The following FAT3 variants were observed in gnomAD, a reference collection of about 807,000 sequenced individuals.
The protein encoded by FAT3 is FAT atypical cadherin 3.
In FAT3, 95 loss-of-function variants were observed where a neutral mutation model predicts 310.2. The ratio of observed to expected loss-of-function variants is 0.31; its 90% CI spans 0.26 to 0.36. FAT3 has a LOEUF of 0.36. Ranked by LOEUF, FAT3 falls within the 10% of genes least tolerant of loss-of-function variation. FAT3 has a pLI of 1.00. For missense variants in FAT3, 5,408 were observed against 5,715.6 expected, an observed-to-expected ratio of 0.95 and a Z score of 1.74; for synonymous variants, 2,314 against 2,192.9, an observed-to-expected ratio of 1.06 and a Z score of -1.54.
intron 1 of FAT3, among the ~76,000 whole-genome samples, chr11:92,347,387 C>A (rs1214235253): frequency 6.6e-6 from 1 of 152,112 alleles, no homozygotes; most frequent in East Asian, 1.9e-4. Flanking sequence ...ATTTGGCTAA[C>A]AAAATCCCCT....
intron 3 of FAT3, among the ~76,000 whole-genome samples, chr11:92,539,329 C>A (rs761042029): frequency 5.3e-5 from 8 of 152,150 alleles, no homozygotes; most frequent in African/African-American, 1.7e-4. Context: ...GATAATCAGT[C>A]TCCAAATTCT....
chr11:92,736,983 G>T (rs1256138863), intron 4 of FAT3, among the ~76,000 whole-genome samples: 3 of 152,042 alleles, frequency 2.0e-5, no homozygotes. Context: ...CGTGGTTAAG[G>T]GAGAAGAAAG....
At chr11:92,640,282 C>A (rs554245049) in intron 3 of FAT3, among the ~76,000 whole-genome samples, 2 of 152,210 alleles carry the variant, frequency 1.3e-5, no homozygotes, top group African/African-American at 4.8e-5. Context: ...GAGCCTCTCA[C>A]TCCTGCCAAC....
At chr11:92,860,625 A>G (rs918404284) in intron 21 of FAT3, among the ~76,000 whole-genome samples, 1 of 152,222 alleles carries the variant, frequency 6.6e-6, no homozygotes, top group Admixed American at 6.5e-5. Context: ...TTTCTTCCCA[A>G]GGTTTCAGCT....
chr11:92,640,568 A>G (rs1807177848), intron 3 of FAT3, among the ~76,000 whole-genome samples: 1 of 152,218 alleles, frequency 6.6e-6, no homozygotes, highest in South Asian at 2.1e-4. Context: ...AAAAGTAAGG[A>G]CACAGAGTCA....
intron 1 of FAT3, among the ~76,000 whole-genome samples, chr11:92,294,897 T>C (rs1946808726): frequency 6.6e-6 from 1 of 152,058 alleles, no homozygotes; most frequent in African/African-American, 2.4e-5. Flanking sequence ...AAAGACATCA[T>C]TGAAAGATTT....
At chr11:92,340,504 G>A (rs1026526227) in intron 1 of FAT3, among the ~76,000 whole-genome samples, 1 of 152,162 alleles carries the variant, frequency 6.6e-6, no homozygotes, top group African/African-American at 2.4e-5. Context: ...TGAACCGTCT[G>A]CATTGGATTG....
At chr11:92,528,496 C>T (rs990649177) in intron 3 of FAT3, among the ~76,000 whole-genome samples, 1 of 152,206 alleles carries the variant, frequency 6.6e-6, no homozygotes, top group Non-Finnish European at 1.5e-5. Flanking sequence ...ACGCCATTCT[C>T]CTGCCTCAGC....
chr11:92,415,530 G>C (rs1237394672), intron 2 of FAT3, among the ~76,000 whole-genome samples: 2 of 152,126 alleles, frequency 1.3e-5, no homozygotes, highest in Non-Finnish European at 2.9e-5. Flanking sequence ...CGGAAATGTG[G>C]GGCCTTATTA....
chr11:92,826,601 A>G (rs1435706538), intron 13 of FAT3, among the ~76,000 whole-genome samples: 1 of 152,240 alleles, frequency 6.6e-6, no homozygotes, highest in Non-Finnish European at 1.5e-5. Flanking sequence ...ATATGTGATT[A>G]TGACACCTCA....
At chr11:92,325,422 G>T (rs1442874377) in intron 1 of FAT3, among the ~76,000 whole-genome samples, 1 of 152,078 alleles carries the variant, frequency 6.6e-6, no homozygotes, top group Non-Finnish European at 1.5e-5. Flanking sequence ...TTTTGTTGTT[G>T]TTGTTTGTTT....
chr11:92,292,239 A>C (rs909790804), intron 1 of FAT3, among the ~76,000 whole-genome samples: 4 of 152,074 alleles, frequency 2.6e-5, no homozygotes, highest in African/African-American at 9.7e-5. Context: ...AAATATGCTA[A>C]GTGTATATCT....
At chr11:92,528,687 C>T (rs1320523619) in intron 3 of FAT3, among the ~76,000 whole-genome samples, 2 of 152,180 alleles carry the variant, frequency 1.3e-5, no homozygotes, top group Non-Finnish European at 2.9e-5. Context: ...GCCCGGCCTC[C>T]AGTTCTTTTG....
chr11:92,862,758 A>G (rs1283007659), intron 21 of FAT3, among the ~76,000 whole-genome samples: 1 of 152,228 alleles, frequency 6.6e-6, no homozygotes, highest in Non-Finnish European at 1.5e-5. Flanking sequence ...TGTAGTAATA[A>G]TAAGATAACT....
chr11:92,720,072 C>G (rs569690840), intron 4 of FAT3, among the ~76,000 whole-genome samples: 1 of 152,082 alleles, frequency 6.6e-6, no homozygotes, highest in Non-Finnish European at 1.5e-5. Context: ...GCTTGATTAA[C>G]GTCATTTATG....
chr11:92,371,661 A>T (rs947863281), intron 2 of FAT3, among the ~76,000 whole-genome samples: 1 of 152,178 alleles, frequency 6.6e-6, no homozygotes, highest in African/African-American at 2.4e-5. Flanking sequence ...AGGTTGCAGT[A>T]AGCAGAGATC....
At chr11:92,351,165 T>G (rs1206962852) in intron 1 of FAT3, among the ~76,000 whole-genome samples, 2 of 152,176 alleles carry the variant, frequency 1.3e-5, no homozygotes, top group Admixed American at 1.3e-4. Flanking sequence ...CTTACCTCCC[T>G]TGTTCTGAAT....
chr11:92,811,415 C>T (rs1452515520), intron 13 of FAT3, among the ~76,000 whole-genome samples: 1 of 152,064 alleles, frequency 6.6e-6, no homozygotes, highest in Non-Finnish European at 1.5e-5. Context: ...ATTGAGTGTA[C>T]CCAGGCTACT....
intron 22 of FAT3, among the ~76,000 whole-genome samples, chr11:92,878,372 A>C (rs1949582930): frequency 6.6e-6 from 1 of 152,104 alleles, no homozygotes; most frequent in Non-Finnish European, 1.5e-5. Context: ...AATAGAAATA[A>C]ATAAATAAAT....
Sources: gnomAD v4.1 joint callset for allele counts (sites outside exome capture counted in the v4.1 genomes callset) on GRCh38, gnomAD v4.1.1 for gene constraint, MANE v1.5 for transcripts, NCBI Gene and HGNC (gene_info 2026-07-23, HGNC 2026-07-21) for gene names.